UMOD: variants seen among roughly 807,000 people sequenced by gnomAD.
UMOD encodes the protein uromodulin.
Under a neutral mutation model 66.0 loss-of-function variants are expected in UMOD, and 64 were observed. The ratio of observed to expected loss-of-function variants is 0.97; its 90% CI spans 0.79 to 1.19. UMOD has a LOEUF of 1.19. Ranked by LOEUF, UMOD falls within the 50% of genes most tolerant of loss-of-function variation. The probability of loss-of-function intolerance (pLI) is 0.00; values close to 1 mark genes in which losing one functional copy is unlikely to be tolerated. For missense variants in UMOD, 764 were observed against 850.9 expected, an observed-to-expected ratio of 0.90 and a Z score of 1.27; for synonymous variants, 398 against 352.7, an observed-to-expected ratio of 1.13 and a Z score of -1.44.
chr16:20,355,697 G>T (rs1966017005), upstream of UMOD, among the ~76,000 whole-genome samples: 1 of 152,074 alleles, frequency 6.6e-6, no homozygotes, highest in Non-Finnish European at 1.5e-5. Flanking sequence ...ACCACAACCA[G>T]CCTGAAACAC....
At chr16:20,353,024 G>A, upstream of UMOD, 2 of 303,190 alleles carry the variant, frequency 6.6e-6, no homozygotes, top group Non-Finnish European at 1.2e-5. Context: ...GTGCCAAGGT[G>A]CTGGGCTTCT....
chr16:20,346,584 G>A (rs576270353), intron 4 of UMOD, among the ~76,000 whole-genome samples: 7 of 152,276 alleles, frequency 4.6e-5, no homozygotes, highest in African/African-American at 1.7e-4. Flanking sequence ...AATGCAGGAC[G>A]GTTTTGGGGG....
chr16:20,336,313 G>A (rs952351371), intron 9 of UMOD, among the ~76,000 whole-genome samples: 1 of 152,230 alleles, frequency 6.6e-6, no homozygotes, highest in East Asian at 1.9e-4. Flanking sequence ...TCCAGACACA[G>A]AGTAGGCACA....
At position 20,349,296 on chromosome 16, in the gene UMOD, C is replaced by T; in HGVS notation, c.89-84G>A. The T allele has an allele frequency of 1.2e-5, 17 of 1,466,688 alleles. No homozygotes were observed. In the South Asian group the frequency reaches 1.9e-4, roughly 17 times the overall value. The allele number at this position is 1,466,688 out of a possible 1,614,324, so 90.9% of individuals were successfully genotyped here. A position where few individuals can be genotyped will look rare whatever the true frequency, so the allele number is the denominator to read the frequency against. On this transcript the variant is annotated intron_variant, in intron 2 of 10. Transcript: ENST00000396138. ...GATCCTTCCCTCATTCTCCAGGGAACTCATTATTTTTAAGACTTATTCCCT... is the reference window on the plus strand; with the variant it reads ...GATCCTTCCCTCATTCTCCAGGGAATTCATTATTTTTAAGACTTATTCCCT...
intron 9 of UMOD, among the ~76,000 whole-genome samples, chr16:20,335,868 A>T (rs1964841391): frequency 6.6e-6 from 1 of 152,132 alleles, no homozygotes; most frequent in Non-Finnish European, 1.5e-5. Context: ...CAAAATTATG[A>T]CTGAGACAGT....
rs762556085 is a variant in UMOD at position 20,350,701 on chromosome 16, C to G, written c.37G>C (p.Val13Leu). 3.5e-5 allele frequency: 56 copies of G among 1,614,074 alleles called. No homozygotes were observed. The highest frequency in any genetic ancestry group is 4.6e-5 in the Non-Finnish European group (54 of 1,180,024). Residue 13 changes from valine to leucine, a missense_variant, in exon 2 of 11, where the codon GTG (valine) becomes CTG (leucine). By Grantham distance (32) the Val-to-Leu change is conservative. Coordinates refer to ENST00000396138, the MANE Select transcript of UMOD (RefSeq NM_003361.4). Reference protein sequence around the residue: ...QPSLTWMLMVVVASWFITTAA... With the variant: ...QPSLTWMLMVLVASWFITTAA... ...GTTGTGATGAACCAAGAGGCCACCA[C>G]CACCATCAGCATCCAAGTCAGAGAT...
At chr16:20,341,433 T>C (rs1233801249) in intron 6 of UMOD, 97 bp from the exon 7 acceptor site, 1 of 1,586,452 alleles carries the variant, frequency 6.3e-7, no homozygotes, top group Non-Finnish European at 8.5e-7. Flanking sequence ...CCCTTGCAGT[T>C]ATTTGCATTT....
upstream of UMOD, among the ~76,000 whole-genome samples, chr16:20,355,413 T>C (rs1206618259): frequency 6.6e-6 from 1 of 151,408 alleles, no homozygotes; most frequent in African/African-American, 2.4e-5. Context: ...CTTCTTCTTT[T>C]TTTTTTTTTT....
chr16:20,344,288 C>T, intron 5 of UMOD, 116 bp from the exon 6 acceptor site: 6 of 1,015,102 alleles, frequency 5.9e-6, no homozygotes, highest in South Asian at 1.4e-5. Flanking sequence ...TTGTGAGCCG[C>T]TCTCCTAGTC....
chr16:20,352,224 A>G (rs1199410284), intron 1 of UMOD, among the ~76,000 whole-genome samples: 2 of 152,154 alleles, frequency 1.3e-5, no homozygotes, highest in South Asian at 2.1e-4. Flanking sequence ...CAAAGAGGCT[A>G]ACTGCTTGCC....
chr16:20,341,440 A>G, intron 6 of UMOD, 104 bp from the exon 7 acceptor site: 2 of 1,575,398 alleles, frequency 1.3e-6, no homozygotes, highest in Non-Finnish European at 8.6e-7. Context: ...AGTTATTTGC[A>G]TTTTTATCCA....
At chr16:20,345,394 C>CTT (rs879393522) in intron 5 of UMOD, among the ~76,000 whole-genome samples, 9 of 121,596 alleles carry the variant, frequency 7.4e-5, no homozygotes, top group African/African-American at 3.4e-4. Flanking sequence ...CCTTTCTTTT[C>CTT]TTTTTTTTTC....
chr16:20,351,046 C>A (rs980405367), intron 1 of UMOD: 1 of 425,130 alleles, frequency 2.4e-6, no homozygotes, highest in Non-Finnish European at 4.4e-6. Context: ...TCTTGGCTCC[C>A]CAATTCTCAG....
intron 7 of UMOD, 80 bp from the exon 8 acceptor site, chr16:20,337,533 C>G: frequency 6.3e-7 from 1 of 1,575,062 alleles, no homozygotes; most frequent in Non-Finnish European, 8.7e-7. Context: ...AAATATTGCT[C>G]TGTCACCTTT....
At chr16:20,345,785 T>C (rs1343294807) in intron 5 of UMOD, among the ~76,000 whole-genome samples, 1 of 152,212 alleles carries the variant, frequency 6.6e-6, no homozygotes, top group East Asian at 1.9e-4. Context: ...CTGAACCCAA[T>C]GCTGATGCCT....
chr16:20,351,032 C>G (rs1438726599), intron 1 of UMOD, 193 bp from the exon 2 acceptor site: 1 of 449,648 alleles, frequency 2.2e-6, no homozygotes, highest in Non-Finnish European at 4.1e-6. Context: ...CACCAACATC[C>G]CAGTCTTGGC....
intron 10 of UMOD, among the ~76,000 whole-genome samples, chr16:20,334,653 G>A (rs372275345): frequency 6.6e-6 from 1 of 152,162 alleles, no homozygotes; most frequent in African/African-American, 2.4e-5. Context: ...AGGCACTCCA[G>A]GCATTTCCAT....
intron 1 of UMOD, 156 bp downstream of exon 1, chr16:20,352,533 C>T (rs1331256943): frequency 4.3e-6 from 2 of 459,958 alleles, no homozygotes; most frequent in Admixed American, 4.4e-5. Flanking sequence ...GAGAGGAAAA[C>T]TAACTTACTA....
intron 9 of UMOD, among the ~76,000 whole-genome samples, chr16:20,335,780 C>G (rs2141629961): frequency 6.6e-6 from 1 of 152,290 alleles, no homozygotes; most frequent in Non-Finnish European, 1.5e-5. Flanking sequence ...CCCTGGCCTT[C>G]TCTGGGTTCC....
Sources: allele counts gnomAD v4.1 joint callset (sites outside exome capture counted in the v4.1 genomes callset), GRCh38; gene constraint gnomAD v4.1.1; transcripts MANE v1.5; gene names NCBI Gene and HGNC (gene_info 2026-07-23, HGNC 2026-07-21).